SRFBP1: variants seen among roughly 807,000 people sequenced by gnomAD.
The protein encoded by SRFBP1 is serum response factor binding protein 1, also known as serum response factor-binding protein 1.
In SRFBP1, 47 loss-of-function variants were observed where a neutral mutation model predicts 45.5. The ratio of observed to expected loss-of-function variants is 1.03; its 90% confidence interval spans 0.82 to 1.32. SRFBP1 has a LOEUF of 1.32. SRFBP1 is among the 40% of genes most tolerant of loss of function. The probability of loss-of-function intolerance (pLI) is 0.00; values close to 1 mark genes in which losing one functional copy is unlikely to be tolerated. For missense variants in SRFBP1, 621 were observed against 484.6 expected, an observed-to-expected ratio of 1.28 and a Z score of -2.64; for synonymous variants, 203 against 166.3, an observed-to-expected ratio of 1.22 and a Z score of -1.70.
At chr5:122,001,823 A>G (rs1235551605) in intron 4 of SRFBP1, among the ~76,000 whole-genome samples, 2 of 151,652 alleles carry the variant, frequency 1.3e-5, no homozygotes, top group African/African-American at 2.4e-5. Context: ...GGCCTCCCAA[A>G]GTGCTGGGAT....
chr5:121,965,509 G>T (rs888437021), intron 1 of SRFBP1, among the ~76,000 whole-genome samples: 3 of 152,146 alleles, frequency 2.0e-5, no homozygotes, highest in Non-Finnish European at 2.9e-5. Flanking sequence ...TAGATGTGTG[G>T]TGTTGTTTCT....
At chr5:122,026,089 T>TA (rs886718173) in intron 7 of SRFBP1, among the ~76,000 whole-genome samples, 42 of 151,978 alleles carry the variant, frequency 2.8e-4, no homozygotes, top group African/African-American at 1.0e-3. Context: ...GACTCCGTCT[T>TA]AAAAAAAAGA....
downstream of SRFBP1, chr5:122,078,088 A>G: frequency 9.0e-7 from 1 of 1,110,912 alleles, no homozygotes; most frequent in Non-Finnish European, 1.2e-6. Context: ...TCAACCAAGG[A>G]GGCGAGCGGA....
At chr5:122,055,580 C>T (rs1754064447) in intron 2 of SRFBP1, among the ~76,000 whole-genome samples, 1 of 152,102 alleles carries the variant, frequency 6.6e-6, no homozygotes. Flanking sequence ...TTAAATATAT[C>T]ATTCCAGTAA....
chr5:122,028,970 G>A (rs564524167), downstream of SRFBP1, among the ~76,000 whole-genome samples: 2 of 152,290 alleles, frequency 1.3e-5, no homozygotes, highest in East Asian at 1.9e-4. Flanking sequence ...GGGATGCAGT[G>A]AAGTTACTTA....
At chr5:122,056,741 A>G (rs1044152327) in intron 2 of SRFBP1, among the ~76,000 whole-genome samples, 1 of 152,190 alleles carries the variant, frequency 6.6e-6, no homozygotes, top group Admixed American at 6.5e-5. Flanking sequence ...TACAAGTCAA[A>G]TAAGAGAAGA....
At chr5:121,982,985 ATAC>A (rs1169440661) in intron 3 of SRFBP1, among the ~76,000 whole-genome samples, 1 of 151,826 alleles carries the variant, frequency 6.6e-6, no homozygotes, top group African/African-American at 2.4e-5. Context: ...TGGACAACCA[ATAC>A]TACTATCATA....
At chr5:122,045,874 G>A (rs1472688496) in intron 2 of SRFBP1, among the ~76,000 whole-genome samples, 4 of 152,024 alleles carry the variant, frequency 2.6e-5, no homozygotes, top group East Asian at 1.9e-4. Flanking sequence ...TTGCACTGGC[G>A]ATGACTTCCA....
intron 2 of SRFBP1, among the ~76,000 whole-genome samples, chr5:122,036,514 C>T (rs1211286367): frequency 6.6e-6 from 1 of 152,096 alleles, no homozygotes; most frequent in African/African-American, 2.4e-5. Context: ...GAACGTAGTA[C>T]CGATTTGATC....
intron 3 of SRFBP1, among the ~76,000 whole-genome samples, chr5:121,977,087 G>C (rs921555042): frequency 6.6e-6 from 1 of 151,852 alleles, no homozygotes; most frequent in African/African-American, 2.4e-5. Context: ...TTCTTGTTTT[G>C]AATCTCATCA....
intron 4 of SRFBP1, among the ~76,000 whole-genome samples, chr5:121,995,718 C>G (rs1207019007): frequency 6.6e-6 from 1 of 152,004 alleles, no homozygotes. Context: ...ATCAGTGAAT[C>G]CAGGAGCTGG....
At position 122,059,777 on chromosome 5, in the gene SRFBP1, A is replaced by T. The variant is rs190098915; in HGVS notation, n.312-15538A>T. 3.9e-5 allele frequency among the ~76,000 whole-genome samples: 6 copies of T among 152,246 alleles called. No homozygotes were observed. In the East Asian group the frequency reaches 1.2e-3, roughly 29 times the overall value. On this transcript the variant is annotated intron_variant and non_coding_transcript_variant, in intron 2 of 2. Coordinates refer to the SRFBP1 transcript ENST00000504881. ...TCTGTAAGTGTGTTAAAAGTACACT[A>T]TAACTAACAGAAGTAAAGAGTGCAA...
chr5:122,046,681 A>T (rs373150356), intron 2 of SRFBP1, among the ~76,000 whole-genome samples: 67 of 152,162 alleles, frequency 4.4e-4, no homozygotes, highest in Non-Finnish European at 8.7e-4. Flanking sequence ...AAAGTGTTCC[A>T]ATTTCTCCAC....
chr5:122,076,944 T>C, downstream of SRFBP1: 1 of 1,613,760 alleles, frequency 6.2e-7, no homozygotes, highest in South Asian at 1.1e-5. Context: ...CATGGACATC[T>C]TCTGCACGTA....
chr5:122,060,699 A>G (rs950555917), intron 2 of SRFBP1, among the ~76,000 whole-genome samples: 2 of 151,824 alleles, frequency 1.3e-5, no homozygotes, highest in African/African-American at 4.8e-5. Context: ...CCAGATTTGC[A>G]TCTTCATGAA....
intron 4 of SRFBP1, among the ~76,000 whole-genome samples, chr5:121,995,737 A>C (rs1752711310): frequency 6.6e-6 from 1 of 152,062 alleles, no homozygotes; most frequent in Non-Finnish European, 1.5e-5. Flanking sequence ...GGTTTTTTGA[A>C]AGGATCAACA....
At chr5:122,077,996 G>T, downstream of SRFBP1, 1 of 1,445,226 alleles carries the variant, frequency 6.9e-7, no homozygotes. This position sits in a 1 kb window ranked among gnomAD's most constrained non-coding sequence, Gnocchi z 4.9. Context: ...CACTCCTTTT[G>T]CCAGATTGAC....
chr5:122,019,625 G>T, intron 5 of SRFBP1, among the ~76,000 whole-genome samples: 1 of 150,400 alleles, frequency 6.6e-6, no homozygotes, highest in Admixed American at 6.6e-5. Flanking sequence ...TTAAAATATT[G>T]ACATAACTCA....
intron 2 of SRFBP1, among the ~76,000 whole-genome samples, chr5:122,037,337 A>G (rs994797603): frequency 1.3e-5 from 2 of 152,186 alleles, no homozygotes; most frequent in Non-Finnish European, 2.9e-5. Flanking sequence ...TCTCTAATCC[A>G]GGACCACATG....
Sources: gnomAD v4.1 joint callset for allele counts (sites outside exome capture counted in the v4.1 genomes callset) on GRCh38, gnomAD v4.1.1 for gene constraint, Gnocchi (gnomAD v3.1) non-coding constraint, MANE v1.5 for transcripts, NCBI Gene and HGNC (gene_info 2026-07-23, HGNC 2026-07-21) for gene names.